AKAP8L: variants seen among roughly 807,000 people sequenced by gnomAD.
AKAP8L encodes the protein A-kinase anchor protein 8-like.
A neutral mutation model predicts 77.5 loss-of-function variants in AKAP8L; 34 were observed. The observed-to-expected ratio is 0.44, with a 90% CI of 0.33 to 0.58. The LOEUF (loss-of-function observed/expected upper bound fraction) is 0.58, where lower values mean the gene tolerates loss of function less well. AKAP8L is among the 20% of genes least tolerant of loss of function. AKAP8L has a pLI of 0.02. For synonymous variants in AKAP8L, 342 were observed against 340.7 expected, an observed-to-expected ratio of 1.00 and a Z score of -0.04; for missense variants, 806 against 887.6, an observed-to-expected ratio of 0.91 and a Z score of 1.17.
chr19:15,392,400 G>GT (rs1157505779), intron 12 of AKAP8L, among the ~76,000 whole-genome samples: 1 of 151,982 alleles, frequency 6.6e-6, no homozygotes, highest in Non-Finnish European at 1.5e-5. Flanking sequence ...GGAGGCTGAG[G>GT]TGGGAGGATT....
rs1688080035 is a variant in AKAP8L at position 15,397,616 on chromosome 19, T to G, written c.1309A>C (p.Thr437Pro). ...QTADFLQEYV[T>P]NKTKKTEELR... ...TCCTCTGTCTTCTTGGTCTTGTTAG[T>G]GACGTACTCCTGCAAGGAATATAAA... The change falls in exon 11 of 14, where the codon ACT (threonine) becomes CCT (proline). Residue 437 changes from threonine (T) to proline (P), a missense_variant. Transcript: ENST00000397410. The surrounding 1 kb of genome is among the most constrained non-coding windows in gnomAD (Gnocchi z 4.7). The G allele has an allele frequency of 6.2e-7, 1 of 1,613,798 alleles. No individual in the cohort carries two copies. Among genetic ancestry groups the G allele is most frequent in the Admixed American group, 1.7e-5 (1 of 59,996 alleles).
chr19:15,393,171 T>C (rs982255803), intron 12 of AKAP8L, among the ~76,000 whole-genome samples: 4 of 152,000 alleles, frequency 2.6e-5, no homozygotes, highest in African/African-American at 9.7e-5. Context: ...CCTTACCTCA[T>C]ACGATATAAA....
In AKAP8L at chr19:15,400,794, C is replaced by A. The variant is rs1235198735; in HGVS notation, c.984G>T (p.Val328=). 1 of 1,613,832 alleles carries A rather than the reference C, an allele frequency of 6.2e-7. No homozygotes were observed. The highest frequency in any genetic ancestry group is 1.3e-5 in the African/African-American group (1 of 74,926). ...AAAATGCCCAGCCAGAGCCACTTACCACTCTGGAGCCCTTCTCCACAGCCT... is the reference window on the plus strand; with the variant it reads ...AAAATGCCCAGCCAGAGCCACTTACAACTCTGGAGCCCTTCTCCACAGCCT... ...GTEAVEKGSR[V]DGEDEEGKED... The change falls in exon 7 of 14, where the codon GTG becomes GTT. Residue 328 remains valine, a splice_region_variant and synonymous_variant. Transcript: ENST00000397410.
In AKAP8L at chr19:15,401,942, C is replaced by A. The variant is rs965074724; in HGVS notation, c.363-339G>T. ...TGTACACCATCTGTGGGAGCTGCAA[C>A]GCCCAAGGCTGCTCCTCACAGGGCA... On this transcript the variant is annotated intron_variant, in intron 4 of 13. Coordinates refer to ENST00000397410, the MANE Select transcript of AKAP8L (RefSeq NM_014371.4). The surrounding 1 kb of genome is among the most constrained non-coding windows in gnomAD (Gnocchi z 6.2). Among the ~76,000 whole-genome samples the A allele has an allele frequency of 2.6e-5, 4 of 152,208 alleles. No homozygotes were observed. The highest frequency in any genetic ancestry group is 7.2e-5 in the African/African-American group (3 of 41,456).
rs761636511 is a variant in AKAP8L at position 15,397,694 on chromosome 19, T to C, written c.1299+20A>G. 6.2e-7 allele frequency: 1 copy of C among 1,613,992 alleles called. No homozygotes were observed. The highest frequency in any genetic ancestry group is 2.2e-5 in the East Asian group (1 of 44,890). On this transcript the variant is annotated intron_variant, in intron 10 of 13. Transcript: ENST00000397410. The surrounding 1 kb of genome is among the most constrained non-coding windows in gnomAD (Gnocchi z 4.7). ...AGGGGTCCAAGAAACTAAGAGCGGCTGTGTTACTCCAAGGCTCACCTGCAG... is the reference window on the plus strand; with the variant it reads ...AGGGGTCCAAGAAACTAAGAGCGGCCGTGTTACTCCAAGGCTCACCTGCAG...
rs759236696 is a variant in AKAP8L, at chr19:15,380,340, C to T, written c.1723G>A (p.Ala575Thr). Residue 575 changes from alanine to threonine, a missense_variant, in exon 14 of 14, where the codon GCG (alanine) becomes ACG (threonine). Ala to Thr is a moderately conservative substitution (Grantham distance 58). Transcript: ENST00000397410. Reference protein sequence around the residue: ...GALDEGAQGEAAGISEGAEGV... With the variant: ...GALDEGAQGETAGISEGAEGV... ...TCTGCGCCCTCCGAGATCCCTGCCG[C>T]TTCGCCCTGCGCCCCCTCGTCCAGG... The T allele has an allele frequency of 2.6e-6, 4 of 1,545,330 alleles. No individual in the cohort carries two copies. The East Asian group carries it at 7.3e-5, about 28-fold the overall frequency.
Position 15,399,579 on chromosome 19 carries a change from G to A in AKAP8L, c.1049-169C>T. The A allele has an allele frequency of 1.6e-6, 1 of 631,986 alleles. No individual in the cohort carries two copies. The allele number at this position is 631,986 out of a possible 1,614,324, so 39.1% of individuals were successfully genotyped here. On this transcript the variant is annotated intron_variant, in intron 8 of 13. Transcript: ENST00000397410. The surrounding 1 kb of genome is among the most constrained non-coding windows in gnomAD (Gnocchi z 6.1). ...GGCTGGGTATCCTGGGCTGTGCAGG[G>A]AGTGGGTTTGGCCTAGGCCCCAAGG...
chr19:15,395,983 C>CAAAAAAAAAAAAAA (rs751904092), intron 12 of AKAP8L, among the ~76,000 whole-genome samples: 2 of 40,500 alleles, frequency 4.9e-5, no homozygotes, highest in African/African-American at 9.3e-5. Flanking sequence ...GACTCCGTCT[C>CAAAAAAAAAAAAAA]AAAAAAAAAA....
At chr19:15,387,036 A>C (rs990911920) in intron 12 of AKAP8L, among the ~76,000 whole-genome samples, 5 of 152,186 alleles carry the variant, frequency 3.3e-5, no homozygotes, top group Non-Finnish European at 7.3e-5. Flanking sequence ...CTGAGAGAGA[A>C]CGGTTCCTAT....
In AKAP8L at chr19:15,399,913, C is replaced by A. The variant is rs1436894734; in HGVS notation, c.1048+382G>T. ...GGTGCTAAGGGAGAGGATACGCACA[C>A]CAGAGCCGTAAAAACTGCACCGAGG... On this transcript the variant is annotated intron_variant, in intron 8 of 13. Coordinates refer to ENST00000397410, the MANE Select transcript of AKAP8L (RefSeq NM_014371.4). The surrounding 1 kb of genome is among the most constrained non-coding windows in gnomAD (Gnocchi z 6.1). 2 of 355,612 alleles carry A rather than the reference C, an allele frequency of 5.6e-6. No homozygotes were observed. Among genetic ancestry groups the A allele is most frequent in the Non-Finnish European group, 1.0e-5 (2 of 191,788 alleles). The allele number at this position is 355,612 out of a possible 1,614,324, so 22.0% of individuals were successfully genotyped here. A position where few individuals can be genotyped will look rare whatever the true frequency, so the allele number is the denominator to read the frequency against.
At chr19:15,395,909 G>A (rs1004293340) in intron 12 of AKAP8L, among the ~76,000 whole-genome samples, 4 of 135,028 alleles carry the variant, frequency 3.0e-5, no homozygotes, top group Non-Finnish European at 4.7e-5. Flanking sequence ...GCGTGAACCC[G>A]GGAGGCGGAG....
rs1050252696 is a variant in AKAP8L at position 15,403,645 on chromosome 19, G to T, written c.192C>A (p.Ala64=). 1 of 1,613,662 alleles carries T rather than the reference G, an allele frequency of 6.2e-7. No individual in the cohort carries two copies. The highest frequency in any genetic ancestry group is 1.3e-5 in the African/African-American group (1 of 74,892). The change falls in exon 4 of 14, where the codon GCC becomes GCA. Residue 64 remains alanine, a synonymous_variant. Transcript: ENST00000397410. The surrounding 1 kb of genome is among the most constrained non-coding windows in gnomAD (Gnocchi z 4.3). ...TAGGCATTTCCCAAGAGTGTGAAGT[G>T]GCCATACCATACCCATAGTTGGTGG... ...DNTTNYGYGM[A]TSHSWEMPSS...
At chr19:15,381,180 ATC>A (rs1228823034) in intron 12 of AKAP8L, 2 of 154,028 alleles carry the variant, frequency 1.3e-5, no homozygotes, top group Non-Finnish European at 2.9e-5. Flanking sequence ...AAAAGTAAAA[ATC>A]TGTCTCATTA....
At position 15,401,330 on chromosome 19, in the gene AKAP8L, C is replaced by T. The variant is rs1169241333; in HGVS notation, c.636G>A (p.Met212Ile). The part of the protein sequence containing the change: ...EDPMGARGQC[M>I]SGASRLPSLF... ...GGGAGGGCAGCCGAGAGGCACCAGA[C>T]ATGCACTGGCCCCGGGCCCCCATGG... The change falls in exon 5 of 14, where the codon ATG (methionine) becomes ATA (isoleucine). Residue 212 changes from methionine (M) to isoleucine (I), a missense_variant. Physicochemically the swap from Met to Ile is conservative, Grantham distance 10. This residue lies in a region of AKAP8L where 580 missense variants were observed against 694.1 expected (regional missense o/e 0.84). Transcript: ENST00000397410. This position sits in a 1 kb window ranked among gnomAD's most constrained non-coding sequence, Gnocchi z 6.2. 1.2e-6 allele frequency: 2 copies of T among 1,613,410 alleles called. No individual in the cohort carries two copies. Among genetic ancestry groups the T allele is most frequent in the African/African-American group, 1.3e-5 (1 of 74,954 alleles).
At chr19:15,382,490 AC>A (rs1295987110) in intron 12 of AKAP8L, among the ~76,000 whole-genome samples, 4 of 152,206 alleles carry the variant, frequency 2.6e-5, no homozygotes, top group Non-Finnish European at 4.4e-5. Flanking sequence ...GGCGTGAGCC[AC>A]CACGCCCAGC....
Position 15,397,384 on chromosome 19 carries a change from CT to C in AKAP8L, c.1406-105del. 1.3e-6 allele frequency: 2 copies of C among 1,517,016 alleles called. No homozygotes were observed. The highest frequency in any genetic ancestry group is 1.8e-6 in the Non-Finnish European group (2 of 1,110,402). The allele number at this position is 1,517,016 out of a possible 1,614,324, so 94.0% of individuals were successfully genotyped here. A position where few individuals can be genotyped will look rare whatever the true frequency, so the allele number is the denominator to read the frequency against. On this transcript the variant is annotated intron_variant, in intron 11 of 13. Coordinates refer to ENST00000397410, the MANE Select transcript of AKAP8L (RefSeq NM_014371.4). This position sits in a 1 kb window ranked among gnomAD's most constrained non-coding sequence, Gnocchi z 4.7. ...AGCTCCTCCTCAACTCGCCCTGCCA[CT>C]TCCACCTGGGCCTGAGCCAAGGCTG...
chr19:15,384,894 G>A (rs1172324405), intron 12 of AKAP8L, among the ~76,000 whole-genome samples: 2 of 152,042 alleles, frequency 1.3e-5, no homozygotes, highest in African/African-American at 4.8e-5. Flanking sequence ...TTTTTGAGAC[G>A]GAGTCTCGCT....
chr19:15,408,935 G>A (rs1473233390), intron 2 of AKAP8L, among the ~76,000 whole-genome samples: 2 of 151,650 alleles, frequency 1.3e-5, no homozygotes, highest in African/African-American at 4.8e-5. Flanking sequence ...AACAAATGGT[G>A]CTGGAACAAT....
intron 8 of AKAP8L, 175 bp downstream of exon 8, chr19:15,400,120 G>A (rs1365521688): frequency 3.1e-6 from 2 of 640,852 alleles, no homozygotes; most frequent in Non-Finnish European, 5.5e-6. Flanking sequence ...AGGAGGAAGA[G>A]TGGGAAGGGG....
Sources: gnomAD v4.1 joint callset for allele counts (sites outside exome capture counted in the v4.1 genomes callset) on GRCh38, gnomAD v4.1.1 for gene constraint, gnomAD v4.1.1 regional missense constraint, Gnocchi (gnomAD v3.1) non-coding constraint, MANE v1.5 for transcripts, NCBI Gene and HGNC (gene_info 2026-07-23, HGNC 2026-07-21) for gene names.